MED13L: variants seen among roughly 807,000 people sequenced by gnomAD.
MED13L encodes mediator of RNA polymerase II transcription subunit 13-like.
MED13L carries 7 observed loss-of-function variants against 220.9 expected under a neutral mutation model. The observed-to-expected ratio is 0.03, with a 90% CI of 0.02 to 0.06. The LOEUF is 0.06. Among genes scored for constraint, MED13L ranks in the 10% least tolerant of loss-of-function variants. The pLI is 1.00. For synonymous variants in MED13L, 1,011 were observed against 1,015.2 expected, an observed-to-expected ratio of 1.00 and a Z score of 0.08; for missense variants, 1,965 against 2,760.5, an observed-to-expected ratio of 0.71 and a Z score of 6.46.
chr12:116,259,983 T>C (rs887387299), intron 1 of MED13L, among the ~76,000 whole-genome samples: 37 of 152,286 alleles, frequency 2.4e-4, no homozygotes, highest in African/African-American at 8.7e-4. Context: ...ATTACATCTA[T>C]GTACAAAAAT....
chr12:115,974,519 G>A (rs1876803249), intron 25 of MED13L, among the ~76,000 whole-genome samples: 1 of 152,190 alleles, frequency 6.6e-6, no homozygotes, highest in Non-Finnish European at 1.5e-5. Context: ...ACCAGGCAAG[G>A]CAGCTGCTGG....
Position 116,096,354 on chromosome 12 carries a change from C to CAAA in MED13L, c.479+312_479+314dup, listed in dbSNP as rs537207957. On this transcript the variant is annotated intron_variant, in intron 4 of 30. Transcript: ENST00000281928. ...TGGGTGACAGAGTGAGACACAGCCT[C>CAAA]AAAAAAAAAAAAAAAAAAAAAAAAA... is the stretch of plus-strand genomic sequence containing the variant. Among the ~76,000 whole-genome samples the CAAA allele has an allele frequency of 3.0e-3, 71 of 23,552 alleles. 9 individuals carry two copies. The highest frequency in any genetic ancestry group is 8.2e-3 in the African/African-American group (63 of 7,684). 15.5% of individuals were successfully genotyped at this position (23,552 alleles called of 152,430 possible). A position where few individuals can be genotyped will look rare whatever the true frequency, so the allele number is the denominator to read the frequency against.
intron 2 of MED13L, among the ~76,000 whole-genome samples, chr12:116,162,935 A>G (rs1474354186): frequency 6.6e-6 from 1 of 152,192 alleles, no homozygotes; most frequent in Non-Finnish European, 1.5e-5. Flanking sequence ...AGGTCTTGTT[A>G]TATTGTCTAG....
Position 115,987,270 on chromosome 12 carries a change from A to G in MED13L, c.3953T>C (p.Leu1318Pro). ...PHSNVLDISMLSSQDVVRMLL... is the reference protein window; with the variant it reads ...PHSNVLDISMPSSQDVVRMLL... Reference sequence around the variant, plus strand: ...CATACGAACCACATCCTGGGAGGAGAGCATGCTGATGTCCAGCACTGGAAG... The same window carrying G: ...CATACGAACCACATCCTGGGAGGAGGGCATGCTGATGTCCAGCACTGGAAG... The change falls in exon 18 of 31, where the codon CTC becomes CCC. Residue 1318 changes from leucine (L) to proline (P), a missense_variant. Around this residue, in one of 10 missense-constraint regions of MED13L, gnomAD observed 165 missense variants for 190.8 expected, o/e 0.86. Transcript: ENST00000281928. 1 of 1,613,250 alleles carries G rather than the reference A, an allele frequency of 6.2e-7. No individual in the cohort carries two copies. The highest frequency in any genetic ancestry group is 8.5e-7 in the Non-Finnish European group (1 of 1,179,944).
intron 3 of MED13L, among the ~76,000 whole-genome samples, chr12:116,098,115 G>A (rs1303836017): frequency 1.3e-5 from 2 of 152,114 alleles, no homozygotes; most frequent in South Asian, 2.1e-4. Flanking sequence ...GCGTGGTGGT[G>A]CGCGCCTGTA....
At chr12:116,207,106 CACAG>C (rs1882384073) in intron 2 of MED13L, among the ~76,000 whole-genome samples, 2 of 151,748 alleles carry the variant, frequency 1.3e-5, no homozygotes, top group African/African-American at 4.8e-5. Flanking sequence ...AGATGGACCA[CACAG>C]ATGATGGTGG....
chr12:116,236,617 TAA>T (rs1386027431), intron 2 of MED13L, among the ~76,000 whole-genome samples: 1 of 152,128 alleles, frequency 6.6e-6, no homozygotes, highest in Non-Finnish European at 1.5e-5. Context: ...AAGATGGTTC[TAA>T]GAGACTAAGT....
intron 2 of MED13L, among the ~76,000 whole-genome samples, chr12:116,196,726 T>C (rs921396493): frequency 1.3e-4 from 20 of 152,240 alleles, no homozygotes; most frequent in African/African-American, 3.6e-4. Flanking sequence ...GCATTTATAT[T>C]ATAAAATTTT....
At chr12:116,159,550 A>C (rs1878703057) in intron 2 of MED13L, among the ~76,000 whole-genome samples, 1 of 152,202 alleles carries the variant, frequency 6.6e-6, no homozygotes. Flanking sequence ...TCTAACTTAC[A>C]GTTCACATTC....
intron 2 of MED13L, among the ~76,000 whole-genome samples, chr12:116,114,837 T>C (rs915403951): frequency 6.6e-6 from 1 of 152,182 alleles, no homozygotes; most frequent in African/African-American, 2.4e-5. Flanking sequence ...CTGAAATTTT[T>C]TAAAGTACCA....
chr12:116,084,231 T>TA (rs1003165753), intron 4 of MED13L, among the ~76,000 whole-genome samples: 2 of 152,200 alleles, frequency 1.3e-5, no homozygotes, highest in African/African-American at 4.8e-5. Context: ...TTTCCACTCT[T>TA]AAAGTGTCCT....
intron 2 of MED13L, among the ~76,000 whole-genome samples, chr12:116,211,701 A>G (rs909230128): frequency 2.0e-5 from 3 of 152,230 alleles, no homozygotes; most frequent in African/African-American, 7.2e-5. Flanking sequence ...TAGAAAGTTC[A>G]AAGATTTTGC....
chr12:116,137,334 C>T (rs921728127), intron 2 of MED13L, among the ~76,000 whole-genome samples: 3 of 152,096 alleles, frequency 2.0e-5, no homozygotes, highest in African/African-American at 7.2e-5. Flanking sequence ...CATAATTCAC[C>T]TCCATAATAC....
In MED13L at chr12:116,204,564, G is replaced by A. The variant is rs188157401; in HGVS notation, c.310+32904C>T. Among the ~76,000 whole-genome samples the A allele has an allele frequency of 5.4e-4, 82 of 152,254 alleles. 1 individual carries two copies. The highest frequency in any genetic ancestry group is 1.8e-3 in the African/African-American group (73 of 41,520). ...CTGCCTTTCTTCTAGTATGTGTTCT[G>A]GTGTTTGCTGTCATGACTTTTAATA... On this transcript the variant is annotated intron_variant, in intron 2 of 30. Coordinates refer to ENST00000281928, the MANE Select transcript of MED13L (RefSeq NM_015335.5).
intron 4 of MED13L, among the ~76,000 whole-genome samples, chr12:116,095,033 G>A (rs1441486896): frequency 1.3e-5 from 2 of 152,102 alleles, no homozygotes; most frequent in Non-Finnish European, 2.9e-5. Context: ...GTGGTGGTGT[G>A]TGCCTACAGT....
intron 2 of MED13L, among the ~76,000 whole-genome samples, chr12:116,112,279 A>G (rs1333633126): frequency 6.6e-6 from 1 of 152,216 alleles, no homozygotes; most frequent in African/African-American, 2.4e-5. Flanking sequence ...CACTAGTTCA[A>G]TGCAAGACAG....
rs1224103527 is a variant in MED13L at position 115,959,312 on chromosome 12, TTG to T, written c.*1952_*1953del. 1.3e-5 allele frequency: 2 copies of T among 152,502 alleles called. No individual in the cohort carries two copies. The highest frequency in any genetic ancestry group is 2.9e-5 in the Non-Finnish European group (2 of 68,028). The allele number at this position is 152,502 out of a possible 1,614,324, so 9.4% of individuals were successfully genotyped here. Reference sequence around the variant, plus strand: ...TTTTTTTGTAGGGGTTTTTTATTTTTTGTGTTTTTTTTCTTTTTCTGCTTAGA... The same window carrying T: ...TTTTTTTGTAGGGGTTTTTTATTTTTTGTTTTTTTTCTTTTTCTGCTTAGA... On this transcript the variant is annotated 3_prime_UTR_variant, in exon 31 of 31. Transcript: ENST00000281928.
At chr12:116,190,201 C>G (rs1424593513) in intron 2 of MED13L, among the ~76,000 whole-genome samples, 2 of 152,074 alleles carry the variant, frequency 1.3e-5, no homozygotes, top group South Asian at 4.1e-4. Context: ...TTTGTAGATG[C>G]TCTTTCTCAA....
chr12:116,228,703 T>A (rs946052747), intron 2 of MED13L, among the ~76,000 whole-genome samples: 6 of 152,186 alleles, frequency 3.9e-5, no homozygotes, highest in Non-Finnish European at 8.8e-5. Context: ...GCAGAAGGTG[T>A]TATTCCCTAT....
Sources: gnomAD v4.1 joint callset for allele counts (sites outside exome capture counted in the v4.1 genomes callset) on GRCh38, gnomAD v4.1.1 for gene constraint, gnomAD v4.1.1 regional missense constraint, MANE v1.5 for transcripts, NCBI Gene and HGNC (gene_info 2026-07-23, HGNC 2026-07-21) for gene names.